Variants in KDM2B observed in about 807,000 individuals in gnomAD.
The protein encoded by KDM2B is lysine demethylase 2B.
KDM2B carries 26 observed loss-of-function variants against 150.0 expected under a neutral mutation model. That is an observed-to-expected ratio of 0.17 (90% CI 0.13 to 0.24). The LOEUF (loss-of-function observed/expected upper bound fraction) is 0.24, where lower values mean the gene tolerates loss of function less well. Among genes scored for constraint, KDM2B ranks in the 10% least tolerant of loss-of-function variants. The pLI is 1.00. For missense variants in KDM2B, 1,265 were observed against 1,816.9 expected (o/e 0.70, Z 5.52); for synonymous variants, 734 against 729.5 (o/e 1.01, Z -0.10).
At chr12:121,461,128 G>A (rs1879054496) in intron 12 of KDM2B, among the ~76,000 whole-genome samples, 1 of 152,092 alleles carries the variant, frequency 6.6e-6, no homozygotes, top group African/African-American at 2.4e-5. Flanking sequence ...ATAGGAGGTG[G>A]TGACTAAGGT....
chr12:121,477,886 T>G (rs1325182761), intron 12 of KDM2B, among the ~76,000 whole-genome samples: 1 of 151,846 alleles, frequency 6.6e-6, no homozygotes, highest in Non-Finnish European at 1.5e-5. Flanking sequence ...GCTTTTTTCT[T>G]ATTTTAAAAC....
At chr12:121,541,802 C>G (rs1049536361) in intron 6 of KDM2B, among the ~76,000 whole-genome samples, 2 of 152,114 alleles carry the variant, frequency 1.3e-5, no homozygotes, top group East Asian at 3.8e-4. Context: ...CTTCATTCCA[C>G]CAAGAAACTT....
At chr12:121,534,067 A>C (rs1336617633) in intron 7 of KDM2B, among the ~76,000 whole-genome samples, 1 of 152,068 alleles carries the variant, frequency 6.6e-6, no homozygotes, top group African/African-American at 2.4e-5. Flanking sequence ...TTTAAAAAAA[A>C]AGCCGGGCAC....
intron 17 of KDM2B, 140 bp from the exon 18 acceptor site, chr12:121,443,170 C>T (rs536976063): frequency 7.9e-6 from 6 of 761,398 alleles, no homozygotes; most frequent in African/African-American, 3.5e-5. Context: ...GCCATCTCCA[C>T]GTCTGACCGA....
intron 4 of KDM2B, among the ~76,000 whole-genome samples, chr12:121,572,429 C>T (rs1891167681): frequency 6.6e-6 from 1 of 152,168 alleles, no homozygotes; most frequent in African/African-American, 2.4e-5. Flanking sequence ...CAGTTCCGCA[C>T]TCCAAGTTTA....
At chr12:121,528,154 AC>A (rs1488557881) in intron 8 of KDM2B, among the ~76,000 whole-genome samples, 1 of 152,016 alleles carries the variant, frequency 6.6e-6, no homozygotes, top group African/African-American at 2.4e-5. Context: ...GCAAGCTCAA[AC>A]CCCTTTCTCC....
intron 10 of KDM2B, among the ~76,000 whole-genome samples, chr12:121,512,707 A>G (rs1258737471): frequency 6.6e-6 from 1 of 152,166 alleles, no homozygotes; most frequent in Non-Finnish European, 1.5e-5. Context: ...ATTCAAGGGC[A>G]GAGCCGTGTT....
chr12:121,471,794 A>G (rs1200341328), intron 12 of KDM2B, among the ~76,000 whole-genome samples: 2 of 152,138 alleles, frequency 1.3e-5, no homozygotes, highest in Non-Finnish European at 2.9e-5. Flanking sequence ...GTTGAGACCA[A>G]TGACGGGCTG....
chr12:121,433,106 G>T (rs1457038541), intron 22 of KDM2B: 6 of 455,958 alleles, frequency 1.3e-5, no homozygotes, highest in Admixed American at 4.7e-5. Flanking sequence ...TACTAATTTG[G>T]GCCCTCTTTG....
chr12:121,566,882 T>A (rs185448712), intron 4 of KDM2B, among the ~76,000 whole-genome samples: 1 of 150,548 alleles, frequency 6.6e-6, no homozygotes, highest in Admixed American at 6.6e-5. Flanking sequence ...AAAGTGGGAG[T>A]TTTTTTTTCT....
rs1176734157 is a variant in KDM2B, at chr12:121,430,745, C to T, written c.3830-276G>A. On this transcript the variant is annotated intron_variant, in intron 22 of 22. Transcript: ENST00000377071. This position sits in a 1 kb window ranked among gnomAD's most constrained non-coding sequence, Gnocchi z 4.4. ...GATTTACCACACAGCTGCCTCTATA[C>T]GTGCGTATGCTCATGTAAGTAGTTC... is the stretch of plus-strand genomic sequence containing the variant. 8.8e-6 allele frequency: 5 copies of T among 566,926 alleles called. No homozygotes were observed. Among genetic ancestry groups the T allele is most frequent in the Admixed American group, 6.2e-5 (2 of 32,108 alleles). 35.1% of individuals were successfully genotyped at this position (566,926 alleles called of 1,614,324 possible).
chr12:121,409,084 AT>A, the KDM2B span, among the ~76,000 whole-genome samples: 8 of 151,872 alleles, frequency 5.3e-5, no homozygotes, highest in Non-Finnish European at 1.0e-4. Context: ...GGTTCAAACG[AT>A]TCTCCTGCCT....
At chr12:121,464,573 AGGTGGAGCAGCCAAAACTCTGAT>A (rs1399272149) in intron 12 of KDM2B, among the ~76,000 whole-genome samples, 4 of 152,206 alleles carry the variant, frequency 2.6e-5, no homozygotes, top group African/African-American at 7.2e-5. Flanking sequence ...CAGGCTCGGA[AGGTGGAGCAGCCAAAACTCTGAT>A]GGGGTGGGCG....
intron 12 of KDM2B, among the ~76,000 whole-genome samples, chr12:121,483,719 AC>A (rs1271389796): frequency 8.3e-5 from 2 of 24,130 alleles, no homozygotes; most frequent in African/African-American, 7.2e-4. Flanking sequence ...CAACAACAAC[AC>A]ACACACACAC....
Position 121,430,746 on chromosome 12 carries a change from G to A in KDM2B, c.3830-277C>T, listed in dbSNP as rs11065571. On this transcript the variant is annotated intron_variant, in intron 22 of 22. Transcript: ENST00000377071. The surrounding 1 kb of genome is among the most constrained non-coding windows in gnomAD (Gnocchi z 4.4). The stretch of plus-strand genomic sequence containing the variant: ...ATTTACCACACAGCTGCCTCTATAC[G>A]TGCGTATGCTCATGTAAGTAGTTCT... 4.2e-5 allele frequency: 24 copies of A among 567,008 alleles called. No homozygotes were observed. The highest frequency in any genetic ancestry group is 5.6e-5 in the Non-Finnish European group (18 of 319,724). 35.1% of individuals were successfully genotyped at this position (567,008 alleles called of 1,614,324 possible).
chr12:121,505,184 G>T (rs1316930195), intron 11 of KDM2B, among the ~76,000 whole-genome samples: 3 of 150,702 alleles, frequency 2.0e-5, no homozygotes, highest in African/African-American at 7.3e-5. Flanking sequence ...TACTCGGGAG[G>T]CTGAGGCACG....
At chr12:121,555,768 T>C (rs1555312593) in intron 4 of KDM2B, among the ~76,000 whole-genome samples, 1 of 152,176 alleles carries the variant, frequency 6.6e-6, no homozygotes, top group East Asian at 1.9e-4. Flanking sequence ...TGAATATCTC[T>C]CAAATATCTC....
chr12:121,510,043 T>G lies in KDM2B; in HGVS notation c.1175-4A>C. 2 of 1,538,380 alleles carry G rather than the reference T, an allele frequency of 1.3e-6. No individual in the cohort carries two copies. The highest frequency in any genetic ancestry group is 1.7e-6 in the Non-Finnish European group (2 of 1,145,540). On this transcript the variant is annotated splice_polypyrimidine_tract_variant and splice_region_variant and intron_variant, in intron 10 of 22. Transcript: ENST00000377071. ...ATGCTGGGCTTCCTCGGGGCATCTG[T>G]GGGGGCAGGGTCACAAGAAAGACCG...
At chr12:121,456,371 G>T (rs1878242515) in intron 12 of KDM2B, among the ~76,000 whole-genome samples, 1 of 152,182 alleles carries the variant, frequency 6.6e-6, no homozygotes, top group African/African-American at 2.4e-5. Flanking sequence ...TGTCATCACA[G>T]CCTACAATAG....
Sources: allele counts gnomAD v4.1 joint callset (sites outside exome capture counted in the v4.1 genomes callset), GRCh38; gene constraint gnomAD v4.1.1; non-coding constraint Gnocchi (gnomAD v3.1); transcripts MANE v1.5; gene names NCBI Gene and HGNC (gene_info 2026-07-23, HGNC 2026-07-21).